DPYD: variants seen among roughly 807,000 people sequenced by gnomAD.
DPYD encodes dihydropyrimidine dehydrogenase.
Under a neutral mutation model 116.2 loss-of-function variants are expected in DPYD, and 109 were observed. That is an observed-to-expected ratio of 0.94 (90% confidence interval 0.80 to 1.10). DPYD has a LOEUF of 1.10. Among genes scored for constraint, DPYD ranks in the 50% least tolerant of loss-of-function variants. The pLI, the probability that DPYD is intolerant of heterozygous loss-of-function variation, is 0.00. For synonymous variants in DPYD, 440 were observed against 432.0 expected (o/e 1.02, Z -0.23); for missense variants, 1,302 against 1,254.5 (o/e 1.04, Z -0.57).
chr1:97,721,299 G>T (rs1394915964), intron 5 of DPYD, among the ~76,000 whole-genome samples: 1 of 151,634 alleles, frequency 6.6e-6, no homozygotes, highest in Non-Finnish European at 1.5e-5. Context: ...AACCTGCTGG[G>T]ATTGCAACTA....
intron 5 of DPYD, among the ~76,000 whole-genome samples, chr1:97,709,833 A>C (rs1662187868): frequency 6.6e-6 from 1 of 151,890 alleles, no homozygotes; most frequent in Non-Finnish European, 1.5e-5. Context: ...AGAGTATATA[A>C]TGAAAATAAA....
At chr1:97,271,072 A>C (rs1664554486) in intron 18 of DPYD, among the ~76,000 whole-genome samples, 1 of 152,232 alleles carries the variant, frequency 6.6e-6, no homozygotes, top group African/African-American at 2.4e-5. Context: ...ATTCAGCTAA[A>C]GAATTCATAG....
chr1:97,104,825 G>C lies in DPYD; in HGVS notation c.2623-6193C>G, dbSNP rs577053437. Among the ~76,000 whole-genome samples, 6 of 152,254 alleles carry C rather than the reference G, an allele frequency of 3.9e-5. 1 individual carries two copies. Among genetic ancestry groups the C allele is most frequent in the African/African-American group, 1.2e-4 (5 of 41,568 alleles). On this transcript the variant is annotated intron_variant, in intron 20 of 22. Coordinates refer to ENST00000370192, the MANE Select transcript of DPYD (RefSeq NM_000110.4). ...GTGAAAAGCAGGCAGAACACATTTT[G>C]TTGTGAAGTGATGAAGTCGGATCAT... is the stretch of plus-strand genomic sequence containing the variant.
chr1:97,653,389 C>A (rs955904940), intron 8 of DPYD, among the ~76,000 whole-genome samples: 1 of 151,430 alleles, frequency 6.6e-6, no homozygotes, highest in East Asian at 1.9e-4. Context: ...ACTGCAACCT[C>A]CGACTCCCGG....
At chr1:97,488,343 G>T (rs1678769341) in intron 13 of DPYD, among the ~76,000 whole-genome samples, 1 of 152,124 alleles carries the variant, frequency 6.6e-6, no homozygotes. Context: ...TGTGATGATA[G>T]AACTGTTCTT....
At chr1:97,082,512 AC>A in intron 21 of DPYD, 42 bp from the exon 22 acceptor site, 19 of 1,608,860 alleles carry the variant, frequency 1.2e-5, no homozygotes, top group Non-Finnish European at 1.6e-5. Flanking sequence ...TCATTTTAAA[AC>A]ATTTTCATGT....
intron 14 of DPYD, among the ~76,000 whole-genome samples, chr1:97,433,013 G>A (rs1039330398): frequency 4.6e-5 from 7 of 152,030 alleles, no homozygotes; most frequent in South Asian, 2.1e-4. Context: ...TAGGTTGCTC[G>A]GGAGTTCTCT....
chr1:97,710,341 C>T (rs919190805), intron 5 of DPYD, among the ~76,000 whole-genome samples: 6 of 151,822 alleles, frequency 4.0e-5, no homozygotes, highest in South Asian at 4.2e-4. Context: ...TTTTGTAAGA[C>T]AAGTCAAAGG....
chr1:97,323,010 C>T (rs1668392252), intron 16 of DPYD: 1 of 151,586 alleles, frequency 6.6e-6, no homozygotes, highest in South Asian at 2.1e-4. Context: ...CTCACTTTCT[C>T]CTTTTTCCTA....
chr1:97,789,043 A>G (rs1159837837), intron 3 of DPYD, among the ~76,000 whole-genome samples: 1 of 152,094 alleles, frequency 6.6e-6, no homozygotes, highest in Non-Finnish European at 1.5e-5. Context: ...AGCTCATGCG[A>G]TCTACCGCCC....
At chr1:97,264,565 T>A (rs1664109799) in intron 18 of DPYD, among the ~76,000 whole-genome samples, 1 of 152,144 alleles carries the variant, frequency 6.6e-6, no homozygotes, top group South Asian at 2.1e-4. Context: ...TTTGTTTTAC[T>A]AAGCTAAGAC....
chr1:97,276,044 G>A (rs1257444094), intron 18 of DPYD, among the ~76,000 whole-genome samples: 2 of 152,058 alleles, frequency 1.3e-5, no homozygotes. Context: ...TTTATGGCAT[G>A]AAGGTTCAAT....
chr1:97,496,786 T>A (rs1679288603), intron 13 of DPYD, among the ~76,000 whole-genome samples: 1 of 151,928 alleles, frequency 6.6e-6, no homozygotes, highest in African/African-American at 2.4e-5. Flanking sequence ...CATAGCATGT[T>A]TTCTCACGCA....
intron 14 of DPYD, among the ~76,000 whole-genome samples, chr1:97,393,854 G>A (rs1672856965): frequency 6.6e-6 from 1 of 152,078 alleles, no homozygotes; most frequent in Admixed American, 6.6e-5. Flanking sequence ...CTAGATCCTT[G>A]AGGAACTGCC....
chr1:97,101,080 A>G (rs934553856), intron 20 of DPYD, among the ~76,000 whole-genome samples: 1 of 149,982 alleles, frequency 6.7e-6, no homozygotes, highest in African/African-American at 2.5e-5. Context: ...AAACTTGCCA[A>G]TTTTTTTTAA....
intron 19 of DPYD, among the ~76,000 whole-genome samples, chr1:97,201,195 C>T (rs1004519678): frequency 1.3e-5 from 2 of 152,032 alleles, no homozygotes; most frequent in Non-Finnish European, 2.9e-5. Flanking sequence ...TGACAGAAAT[C>T]CACAGATTTT....
In DPYD at chr1:97,077,908, T is replaced by G. The variant is rs1648900166; in HGVS notation, c.*1068A>C. On this transcript the variant is annotated 3_prime_UTR_variant, in exon 23 of 23. Coordinates refer to ENST00000370192, the MANE Select transcript of DPYD (RefSeq NM_000110.4). ...TACTTTCTGATTTACTACTTATAGA[T>G]TCATATTGAAGATGCCATGAAGAGG... 1 of 152,128 alleles carries G rather than the reference T, an allele frequency of 6.6e-6. No homozygotes were observed. Among genetic ancestry groups the G allele is most frequent in the Admixed American group, 6.6e-5 (1 of 15,264 alleles). The allele number at this position is 152,128 out of a possible 1,614,324, so 9.4% of individuals were successfully genotyped here. A position where few individuals can be genotyped will look rare whatever the true frequency, so the allele number is the denominator to read the frequency against.
intron 5 of DPYD, among the ~76,000 whole-genome samples, chr1:97,717,658 C>T (rs1208142274): frequency 6.6e-6 from 1 of 152,072 alleles, no homozygotes; most frequent in African/African-American, 2.4e-5. Context: ...TTTGTGTCCT[C>T]ACAAGTCAGC....
intron 2 of DPYD, among the ~76,000 whole-genome samples, chr1:97,872,786 CATT>C (rs770482616): frequency 2.6e-5 from 4 of 151,882 alleles, no homozygotes; most frequent in Middle Eastern, 3.2e-3. Flanking sequence ...TCATCATCAT[CATT>C]GTCACTACTC....
Sources: allele counts gnomAD v4.1 joint callset (sites outside exome capture counted in the v4.1 genomes callset), GRCh38; gene constraint gnomAD v4.1.1; transcripts MANE v1.5; gene names NCBI Gene and HGNC (gene_info 2026-07-23, HGNC 2026-07-21).